The following NBPF12 variants were observed in gnomAD, a reference collection of about 807,000 sequenced individuals.
The protein encoded by NBPF12 is NBPF member 12, also known as NBPF family member NBPF12.
Under a neutral mutation model 146.4 loss-of-function variants are expected in NBPF12, and 115 were observed. The ratio of observed to expected loss-of-function variants is 0.79; its 90% CI spans 0.68 to 0.92. NBPF12 has a LOEUF of 0.92. Among genes scored for constraint, NBPF12 ranks in the 40% least tolerant of loss-of-function variants. The pLI, the probability that NBPF12 is intolerant of heterozygous loss-of-function variation, is 0.00. For missense variants in NBPF12, 1,205 were observed against 1,326.8 expected, an observed-to-expected ratio of 0.91 and a Z score of 1.43; for synonymous variants, 385 against 508.9, an observed-to-expected ratio of 0.76 and a Z score of 3.28.
exon 13 of NBPF12, chr1:146,971,380 T>C: frequency 1.2e-6 from 2 of 1,610,870 alleles, no homozygotes; most frequent in Non-Finnish European, 1.7e-6. Context: ...CAGGATGCTC[T>C]AAACATTCTC....
At position 146,965,598 on chromosome 1, in the gene NBPF12, C is replaced by G. The variant is rs1553885519; in HGVS notation, c.778+494C>G. Among the ~76,000 whole-genome samples, 556 of 142,974 alleles carry G rather than the reference C, an allele frequency of 3.9e-3. 3 individuals carry two copies. Among genetic ancestry groups the G allele is most frequent in the Non-Finnish European group, 5.0e-3 (334 of 66,358 alleles). The allele number at this position is 142,974 out of a possible 152,430, so 93.8% of individuals were successfully genotyped here. ...GAGATTGAGACCATCCTGGCTAACA[C>G]GGTGAAACCCCGTCTTTACTAAAAA... On this transcript the variant is annotated intron_variant, in intron 8 of 33. Coordinates refer to ENST00000617844, the Ensembl canonical transcript of NBPF12.
At chr1:146,940,253 GT>G (rs1439630453) in intron 1 of NBPF12, among the ~76,000 whole-genome samples, 6 of 151,470 alleles carry the variant, frequency 4.0e-5, no homozygotes, top group Non-Finnish European at 8.8e-5. Context: ...TGAGAACTTT[GT>G]GTCAAAGAAA....
At chr1:146,974,115 A>G (rs1656837388) in intron 14 of NBPF12, among the ~76,000 whole-genome samples, 6 of 150,208 alleles carry the variant, frequency 4.0e-5, no homozygotes, top group Non-Finnish European at 8.8e-5. Context: ...GCACAGAGTA[A>G]ACACTATCTA....
upstream of NBPF12, among the ~76,000 whole-genome samples, chr1:146,944,862 C>T (rs1422095495): frequency 6.8e-6 from 1 of 147,638 alleles, no homozygotes; most frequent in Non-Finnish European, 1.5e-5. Flanking sequence ...CTCATTCTTT[C>T]CCTCCCTCCT....
chr1:146,984,916 T>C, exon 22 of NBPF12: 2 of 1,592,984 alleles, frequency 1.3e-6, no homozygotes, highest in African/African-American at 1.4e-5. Context: ...GACTGACTCA[T>C]GCCAGCCCTA....
At chr1:146,953,854 TTAA>T (rs1655434333) in intron 2 of NBPF12, among the ~76,000 whole-genome samples, 1 of 151,860 alleles carries the variant, frequency 6.6e-6, no homozygotes, top group Non-Finnish European at 1.5e-5. Context: ...GTAAGAAAAA[TTAA>T]TAAAGTATTG....
intron 5 of NBPF12, among the ~76,000 whole-genome samples, 190 bp downstream of exon 8, chr1:146,962,453 T>TA (rs1413862198): frequency 6.6e-6 from 1 of 151,990 alleles, no homozygotes; most frequent in Non-Finnish European, 1.5e-5. Flanking sequence ...AGTTGTTTCT[T>TA]AGAGCCTTGT....
chr1:146,994,302 C>T, intron 33 of NBPF12, 30 bp from the exon 37 acceptor site: 1 of 1,611,442 alleles, frequency 6.2e-7, no homozygotes, highest in South Asian at 1.1e-5. Flanking sequence ...CTTTCCCTGG[C>T]TGCTTCTTTA....
chr1:146,977,199 G>A (rs1169511332), intron 17 of NBPF12, among the ~76,000 whole-genome samples, 198 bp downstream of exon 20: 8 of 142,010 alleles, frequency 5.6e-5, no homozygotes, highest in Non-Finnish European at 1.2e-4. Context: ...TGTCTGCACC[G>A]TACAGGGATA....
intron 19 of NBPF12, among the ~76,000 whole-genome samples, chr1:146,980,482 C>A (rs1467034518): frequency 1.3e-5 from 2 of 151,734 alleles, no homozygotes; most frequent in African/African-American, 4.9e-5. Context: ...TTAGTGCTTC[C>A]TTTAGGAGCT....
intron 2 of NBPF12, among the ~76,000 whole-genome samples, chr1:146,955,785 C>T (rs1329218148): frequency 6.6e-6 from 1 of 151,568 alleles, no homozygotes; most frequent in Non-Finnish European, 1.5e-5. Context: ...TTTGGAGAGT[C>T]CCTTCAGATC....
intron 22 of NBPF12, 107 bp downstream of exon 25, chr1:146,985,092 G>C: frequency 3.0e-6 from 2 of 662,344 alleles, no homozygotes; most frequent in Non-Finnish European, 2.7e-6. Flanking sequence ...CATTGCCACA[G>C]GGAGGACCTA....
chr1:146,994,581 C>G, exon 34 of NBPF12: 2 of 1,608,204 alleles, frequency 1.2e-6, no homozygotes, highest in Non-Finnish European at 1.7e-6. Context: ...AATAAGCAGC[C>G]CTTACTAAGC....
At chr1:146,951,076 A>G (rs1570820384) in intron 1 of NBPF12, among the ~76,000 whole-genome samples, 2 of 152,048 alleles carry the variant, frequency 1.3e-5, no homozygotes, top group Non-Finnish European at 2.9e-5. Context: ...AGGCCTCTCT[A>G]TATACATGTA....
chr1:146,961,573 A>T (rs1170089429), intron 4 of NBPF12, among the ~76,000 whole-genome samples: 1 of 149,022 alleles, frequency 6.7e-6, no homozygotes, highest in Non-Finnish European at 1.5e-5. Flanking sequence ...CTAAATCTTA[A>T]TGCTGCCTCT....
rs1473680647 is a variant in NBPF12 at position 146,962,378 on chromosome 1, C to T, written c.278+115C>T. On this transcript the variant is annotated intron_variant, in intron 5 of 33. Transcript: ENST00000617844. ...GGGCCAGGGAAAGGGCAGAAATTGC[C>T]ATGGCAGGCTCATGACACACAAATA... 14 of 832,862 alleles carry T rather than the reference C, an allele frequency of 1.7e-5. 1 individual carries two copies. Among genetic ancestry groups the T allele is most frequent in the African/African-American group, 1.3e-4 (8 of 59,816 alleles). The allele number at this position is 832,862 out of a possible 1,614,324, so 51.6% of individuals were successfully genotyped here. A position where few individuals can be genotyped will look rare whatever the true frequency, so the allele number is the denominator to read the frequency against.
chr1:146,972,634 G>A (rs1397953812), intron 13 of NBPF12, 117 bp from the exon 17 acceptor site: 1 of 955,538 alleles, frequency 1.0e-6, no homozygotes, highest in Non-Finnish European at 1.7e-6. Context: ...TGAAACCAGG[G>A]AAACAACATC....
intron 11 of NBPF12, 36 bp from the exon 15 acceptor site, chr1:146,970,611 G>C: frequency 6.4e-7 from 1 of 1,570,038 alleles, no homozygotes; most frequent in Non-Finnish European, 8.7e-7. Context: ...AGAATGTGAA[G>C]TGGAAAATAT....
intron 21 of NBPF12, 56 bp downstream of exon 24, chr1:146,984,241 G>C (rs1195702643): frequency 2.7e-5 from 21 of 786,654 alleles, no homozygotes; most frequent in African/African-American, 2.4e-4. Flanking sequence ...GAGATGCCAA[G>C]TCCAGGGAAA....
Sources: allele counts gnomAD v4.1 joint callset (sites outside exome capture counted in the v4.1 genomes callset), GRCh38; gene constraint gnomAD v4.1.1; transcripts MANE v1.5; gene names NCBI Gene and HGNC (gene_info 2026-07-23, HGNC 2026-07-21).